SNX29: variants seen among roughly 807,000 people sequenced by gnomAD.
SNX29 encodes sorting nexin-29.
In SNX29, 78 loss-of-function variants were observed where a neutral mutation model predicts 102.1. That is an observed-to-expected ratio of 0.76 (90% confidence interval 0.64 to 0.92). SNX29 has a LOEUF of 0.92. Among genes scored for constraint, SNX29 ranks in the 40% least tolerant of loss-of-function variants. SNX29 has a pLI of 0.00. For missense variants in SNX29, 1,280 were observed against 1,061.7 expected (o/e 1.21, Z -2.86); for synonymous variants, 580 against 414.5 (o/e 1.40, Z -4.85).
intron 14 of SNX29, among the ~76,000 whole-genome samples, chr16:12,214,755 A>G (rs1038525266): frequency 6.6e-6 from 1 of 152,064 alleles, no homozygotes; most frequent in South Asian, 2.1e-4. Context: ...AGTCTCCCTG[A>G]TGCCTGGCAC....
chr16:12,208,130 C>A (rs2077091830), intron 14 of SNX29, among the ~76,000 whole-genome samples: 1 of 152,192 alleles, frequency 6.6e-6, no homozygotes, highest in Non-Finnish European at 1.5e-5. Context: ...GATTATCATT[C>A]TCCTTTCTGC....
At chr16:12,249,874 G>C (rs533480036) in intron 14 of SNX29, among the ~76,000 whole-genome samples, 1 of 152,316 alleles carries the variant, frequency 6.6e-6, no homozygotes, top group East Asian at 1.9e-4. Context: ...CTTTCACACT[G>C]TTCCTGTTCT....
intron 13 of SNX29, among the ~76,000 whole-genome samples, chr16:12,136,322 G>C (rs2054659444): frequency 6.6e-6 from 1 of 152,230 alleles, no homozygotes; most frequent in Non-Finnish European, 1.5e-5. Flanking sequence ...GCTGGCTTTG[G>C]AGGGCCGTGT....
chr16:12,264,696 C>T (rs748039643), intron 14 of SNX29, among the ~76,000 whole-genome samples: 1 of 151,754 alleles, frequency 6.6e-6, no homozygotes, highest in Non-Finnish European at 1.5e-5. Context: ...GGAGGAGGAT[C>T]TCTTGAACCC....
chr16:12,278,884 G>T (rs1228398855), intron 15 of SNX29, among the ~76,000 whole-genome samples: 2 of 152,208 alleles, frequency 1.3e-5, no homozygotes, highest in East Asian at 3.9e-4. Context: ...CTCATTAGTA[G>T]CCTCAAAGAG....
chr16:12,515,303 G>C (rs908324135), intron 19 of SNX29, among the ~76,000 whole-genome samples: 1 of 152,150 alleles, frequency 6.6e-6, no homozygotes. Flanking sequence ...GGATCCACAG[G>C]TCTCATTTAT....
At chr16:12,512,285 TG>T (rs2089654293) in intron 19 of SNX29, among the ~76,000 whole-genome samples, 1 of 146,790 alleles carries the variant, frequency 6.8e-6, no homozygotes, top group Admixed American at 6.9e-5. Context: ...AGGTGGGAGC[TG>T]GATGGTGAGG....
intron 3 of SNX29, among the ~76,000 whole-genome samples, chr16:12,008,012 C>G (rs1276185339): frequency 6.6e-6 from 1 of 151,970 alleles, no homozygotes; most frequent in Non-Finnish European, 1.5e-5. Flanking sequence ...GGCGCTATCT[C>G]GGCTCCCTGC....
chr16:12,481,782 A>C (rs1320050707), intron 19 of SNX29, among the ~76,000 whole-genome samples: 2 of 152,086 alleles, frequency 1.3e-5, no homozygotes, highest in East Asian at 3.8e-4. Context: ...TGATCCTCCC[A>C]CCTCGGCCTC....
chr16:12,386,622 C>G (rs2083350568), intron 16 of SNX29, among the ~76,000 whole-genome samples: 1 of 152,088 alleles, frequency 6.6e-6, no homozygotes, highest in Admixed American at 6.5e-5. Context: ...GAGAAGGAGT[C>G]TGCTAAAAAA....
chr16:12,092,668 T>G (rs377146457), intron 11 of SNX29, among the ~76,000 whole-genome samples: 1 of 152,214 alleles, frequency 6.6e-6, no homozygotes, highest in South Asian at 2.1e-4. Flanking sequence ...GAGGCTTCCC[T>G]CAAGGATTCT....
At chr16:12,501,768 C>G (rs943799372) in intron 19 of SNX29, among the ~76,000 whole-genome samples, 2 of 141,324 alleles carry the variant, frequency 1.4e-5, no homozygotes, top group African/African-American at 5.2e-5. Context: ...GGTAAAAGAT[C>G]TACATGGTTC....
intron 1 of SNX29, among the ~76,000 whole-genome samples, chr16:11,985,100 CT>C (rs896111327): frequency 6.0e-5 from 9 of 150,716 alleles, no homozygotes; most frequent in African/African-American, 1.5e-4. Context: ...CTTTTGATTC[CT>C]TTTTTTTTTG....
chr16:12,283,311 G>GTT (rs113453336), intron 15 of SNX29, among the ~76,000 whole-genome samples: 14 of 140,400 alleles, frequency 1.0e-4, no homozygotes, highest in East Asian at 2.1e-4. Flanking sequence ...AGATGGAGTT[G>GTT]TTTTTTTTTT....
At chr16:12,409,393 G>A (rs1013448689) in intron 18 of SNX29, among the ~76,000 whole-genome samples, 10 of 147,154 alleles carry the variant, frequency 6.8e-5, no homozygotes, top group African/African-American at 2.5e-4. Context: ...CAAATTCCCT[G>A]ACTCCAAACG....
At chr16:12,390,522 G>C (rs1443031146) in intron 16 of SNX29, among the ~76,000 whole-genome samples, 1 of 152,176 alleles carries the variant, frequency 6.6e-6, no homozygotes, top group Non-Finnish European at 1.5e-5. Context: ...CACCTGCAGA[G>C]AGTCTGACTA....
Position 12,047,992 on chromosome 16 carries a change from C to A in SNX29, c.500-380C>A, listed in dbSNP as rs755452852. 2.0e-5 allele frequency among the ~76,000 whole-genome samples: 3 copies of A among 152,130 alleles called. No homozygotes were observed. The East Asian group carries it at 5.8e-4, about 29-fold the overall frequency. On this transcript the variant is annotated intron_variant, in intron 6 of 20. Coordinates refer to ENST00000566228, the MANE Select transcript of SNX29 (RefSeq NM_032167.5). ...TCTTGTAGCTAGTAGGTGGCAGTGC[C>A]GGGATTCACTCCCAGGCAGCCTGAT...
chr16:12,240,157 T>C (rs76185892), intron 14 of SNX29, among the ~76,000 whole-genome samples: 5,963 of 152,334 alleles, frequency 0.039, 422 homozygotes, highest in African/African-American at 0.14. Flanking sequence ...AAGTTATTTG[T>C]TGTTATTACT....
At chr16:12,566,121 A>T (rs984213049) in intron 20 of SNX29, among the ~76,000 whole-genome samples, 1 of 152,160 alleles carries the variant, frequency 6.6e-6, no homozygotes, top group African/African-American at 2.4e-5. Context: ...TATTCTGTCC[A>T]AGGCTCAGAG....
Sources: gnomAD v4.1 joint callset for allele counts (sites outside exome capture counted in the v4.1 genomes callset) on GRCh38, gnomAD v4.1.1 for gene constraint, MANE v1.5 for transcripts, NCBI Gene and HGNC (gene_info 2026-07-23, HGNC 2026-07-21) for gene names.